The following SPRY3 variants were observed in gnomAD, a reference collection of about 807,000 sequenced individuals.
SPRY3 encodes the protein protein sprouty homolog 3.
In SPRY3, 15 loss-of-function variants were observed where a neutral mutation model predicts 20.2. The observed-to-expected ratio is 0.74, with a 90% CI of 0.50 to 1.14. SPRY3 has a LOEUF of 1.14. Among genes scored for constraint, SPRY3 ranks in the 50% most tolerant of loss-of-function variants. SPRY3 has a pLI of 0.00. For synonymous variants in SPRY3, 143 were observed against 136.5 expected, an observed-to-expected ratio of 1.05 and a Z score of -0.33; for missense variants, 364 against 363.9, an observed-to-expected ratio of 1.00 and a Z score of 0.00.
At chrX:155,704,692 T>G (rs186635552) in intron 2 of SPRY3, among the ~76,000 whole-genome samples, 1 of 151,552 alleles carries the variant, frequency 6.6e-6, no homozygotes, top group Non-Finnish European at 1.5e-5. Context: ...AAACATGACT[T>G]TTTAAAAACC....
intron 2 of SPRY3, among the ~76,000 whole-genome samples, chrX:155,724,470 G>A (rs2091084151): frequency 1.3e-5 from 2 of 152,064 alleles, no homozygotes; most frequent in South Asian, 4.2e-4. Flanking sequence ...TTGAGCAGTG[G>A]TTTGTAGTTC....
chrX:155,726,044 A>T (rs1034162714), intron 2 of SPRY3, among the ~76,000 whole-genome samples: 1 of 152,190 alleles, frequency 6.6e-6, no homozygotes, highest in Non-Finnish European at 1.5e-5. Context: ...ATTTCAAAGA[A>T]CATCTTTATT....
intron 2 of SPRY3, among the ~76,000 whole-genome samples, chrX:155,692,909 C>T (rs1272930020): frequency 9.0e-6 from 1 of 110,857 alleles, no homozygotes; most frequent in Non-Finnish European, 1.9e-5. Flanking sequence ...TTTGTTTTCT[C>T]TCTCTTTTAT....
chrX:155,776,970 C>A (rs1389282289), downstream of SPRY3: 2 of 167,014 alleles, frequency 1.2e-5, no homozygotes, highest in African/African-American at 2.4e-5. Context: ...GATATTGCTG[C>A]AAATGGTGCC....
chrX:155,747,454 T>C (rs954589984), intron 2 of SPRY3, among the ~76,000 whole-genome samples: 1 of 151,968 alleles, frequency 6.6e-6, no homozygotes, highest in African/African-American at 2.4e-5. Flanking sequence ...AAATTATCTC[T>C]AAATGGCAAA....
intron 2 of SPRY3, among the ~76,000 whole-genome samples, chrX:155,749,801 G>C (rs1229107562): frequency 6.6e-6 from 1 of 151,880 alleles, no homozygotes; most frequent in African/African-American, 2.4e-5. Flanking sequence ...TTTTGTTGGA[G>C]AATGAAGAGC....
chrX:155,720,435 C>T (rs1310872076), intron 2 of SPRY3, among the ~76,000 whole-genome samples: 1 of 152,104 alleles, frequency 6.6e-6, no homozygotes, highest in African/African-American at 2.4e-5. Flanking sequence ...TGTAGAGACC[C>T]ATGGTCTTGA....
chrX:155,653,421 A>G (rs1484398719), intron 1 of SPRY3, among the ~76,000 whole-genome samples: 1 of 111,965 alleles, frequency 8.9e-6, no homozygotes, highest in Admixed American at 9.5e-5. Context: ...ATTTTTATAC[A>G]TAATGTTAGG....
chrX:155,756,123 C>G (rs981580653), intron 2 of SPRY3, among the ~76,000 whole-genome samples: 1 of 152,032 alleles, frequency 6.6e-6, no homozygotes, highest in African/African-American at 2.4e-5. Flanking sequence ...GCTCCCAGAA[C>G]TGAAAGCAAT....
At position 155,690,834 on chromosome X, in the gene SPRY3, T is replaced by C. The variant is rs1201482756; in HGVS notation, c.-282+33809T>C. On this transcript the variant is annotated intron_variant, in intron 2 of 3. Coordinates refer to ENST00000675360, the Ensembl canonical transcript of SPRY3. ...TTACCTGAACTCAGCACTGAATCAA[T>C]TGGACCTGAAAAAGTTCTTTTTCTA... 6.9e-5 allele frequency among the ~76,000 whole-genome samples: 6 copies of C among 86,889 alleles called. 1 individual carries two copies. The highest frequency in any genetic ancestry group is 3.3e-4 in the African/African-American group (6 of 18,022). The allele number at this position is 86,889 out of a possible 115,157, so 75.5% of individuals were successfully genotyped here. A position where few individuals can be genotyped will look rare whatever the true frequency, so the allele number is the denominator to read the frequency against.
chrX:155,710,422 G>A (rs1223946583), intron 2 of SPRY3, among the ~76,000 whole-genome samples: 1 of 151,356 alleles, frequency 6.6e-6, no homozygotes, highest in Non-Finnish European at 1.5e-5. Flanking sequence ...TTTTTGTGTG[G>A]CTATTGTAAA....
chrX:155,656,757 T>C (rs971085082), intron 1 of SPRY3, among the ~76,000 whole-genome samples: 6 of 111,698 alleles, frequency 5.4e-5, no homozygotes, highest in East Asian at 5.7e-4. Context: ...ATCTTTGAGA[T>C]TGATGACCTT....
intron 2 of SPRY3, among the ~76,000 whole-genome samples, chrX:155,766,972 G>T (rs1178688307): frequency 1.3e-5 from 2 of 152,164 alleles, no homozygotes; most frequent in South Asian, 4.2e-4. Context: ...TCTTATTGAA[G>T]CTGCAATCAC....
intron 1 of SPRY3, among the ~76,000 whole-genome samples, chrX:155,615,153 A>G (rs1195128831): frequency 1.8e-5 from 2 of 112,629 alleles, no homozygotes; most frequent in African/African-American, 6.4e-5. Flanking sequence ...ATTCACAGAC[A>G]ATACATAAAT....
At chrX:155,726,159 T>C (rs1217165658) in intron 2 of SPRY3, among the ~76,000 whole-genome samples, 1 of 152,190 alleles carries the variant, frequency 6.6e-6, no homozygotes, top group Non-Finnish European at 1.5e-5. Flanking sequence ...TGAGTTTTAA[T>C]TTGATTGCAC....
rs143717424 is a variant in SPRY3, at chrX:155,715,833, T to C, written c.-281-52129T>C. ...GAGCCCAGCATGTCTTTATTCTCCA[T>C]TGTGACAGGGCAGCACTGAGTTTAA... On this transcript the variant is annotated intron_variant, in intron 2 of 3. Transcript: ENST00000675360. Among the ~76,000 whole-genome samples the C allele has an allele frequency of 5.3e-3, 813 of 152,292 alleles. 6 individuals carry two copies. Among genetic ancestry groups the C allele is most frequent in the African/African-American group, 0.019 (770 of 41,570 alleles).
chrX:155,703,598 T>C (rs1422830796), intron 2 of SPRY3, among the ~76,000 whole-genome samples: 1 of 128,798 alleles, frequency 7.8e-6, no homozygotes, highest in Non-Finnish European at 1.6e-5. Context: ...TGAAGGGTTT[T>C]TTGTGTCTCT....
chrX:155,693,546 AGTT>A (rs1391100592), intron 2 of SPRY3, among the ~76,000 whole-genome samples: 2 of 111,722 alleles, frequency 1.8e-5, no homozygotes, highest in South Asian at 3.7e-4. Context: ...CTTTTTGTTT[AGTT>A]GTTGTGTCAA....
intron 2 of SPRY3, among the ~76,000 whole-genome samples, chrX:155,725,894 C>A (rs2091093941): frequency 1.3e-5 from 2 of 152,090 alleles, no homozygotes; most frequent in Admixed American, 6.5e-5. Context: ...TTCTCTAGTT[C>A]TTTTAATTGT....
Sources: gnomAD v4.1 joint callset for allele counts (sites outside exome capture counted in the v4.1 genomes callset) on GRCh38, gnomAD v4.1.1 for gene constraint, MANE v1.5 for transcripts, NCBI Gene and HGNC (gene_info 2026-07-23, HGNC 2026-07-21) for gene names.